The following CNST variants were observed in gnomAD, a reference collection of about 807,000 sequenced individuals.
The protein encoded by CNST is consortin.
CNST carries 39 observed loss-of-function variants against 72.4 expected under a neutral mutation model. That is an observed-to-expected ratio of 0.54 (90% CI 0.42 to 0.70). CNST has a LOEUF of 0.70. Among genes scored for constraint, CNST ranks in the 30% least tolerant of loss-of-function variants. The probability of loss-of-function intolerance (pLI) is 0.00; values close to 1 mark genes in which losing one functional copy is unlikely to be tolerated. For missense variants in CNST, 871 were observed against 868.5 expected (o/e 1.00, Z -0.04); for synonymous variants, 332 against 320.1 (o/e 1.04, Z -0.40).
chr1:246,647,178 G>GC lies in CNST; in HGVS notation c.979dup (p.Gln327ProfsTer42). The stretch of plus-strand genomic sequence containing the variant: ...CTCGGCACAGAGTCAAGTAAAGAAA[G>GC]CCAACATACAGTGGAGCCCCTGGGG... On this transcript the variant is annotated frameshift_variant, in exon 9 of 11. Coordinates refer to ENST00000366513, the MANE Select transcript of CNST (RefSeq NM_152609.3). LOFTEE classifies it high-confidence loss of function. The GC allele has an allele frequency of 6.2e-7, 1 of 1,613,990 alleles. No homozygotes were observed. Among genetic ancestry groups the GC allele is most frequent in the Non-Finnish European group, 8.5e-7 (1 of 1,179,988 alleles).
chr1:246,632,300 G>A, intron 4 of CNST: 1 of 296,668 alleles, frequency 3.4e-6, no homozygotes, highest in South Asian at 4.3e-5. Context: ...TTTGAGCTTG[G>A]CAACGTGCGC....
chr1:246,634,371 C>A, intron 5 of CNST, 102 bp from the exon 6 acceptor site: 1 of 643,372 alleles, frequency 1.6e-6, no homozygotes, highest in Non-Finnish European at 2.7e-6. Context: ...GATAATTTTG[C>A]ATGCAAATCT....
intron 9 of CNST, among the ~76,000 whole-genome samples, chr1:246,649,340 C>A (rs528248671): frequency 7.9e-5 from 12 of 152,164 alleles, no homozygotes; most frequent in African/African-American, 2.9e-4. Flanking sequence ...ATGGCAGTTT[C>A]ATGTGATATA....
intron 6 of CNST, among the ~76,000 whole-genome samples, chr1:246,641,489 T>C (rs1022798097): frequency 2.0e-5 from 3 of 152,218 alleles, no homozygotes; most frequent in Admixed American, 6.5e-5. Context: ...CTTCTTTTTT[T>C]CTTCTTCTGG....
chr1:246,612,173 G>A (rs1663362963), intron 2 of CNST, among the ~76,000 whole-genome samples: 1 of 152,200 alleles, frequency 6.6e-6, no homozygotes, highest in African/African-American at 2.4e-5. Flanking sequence ...GAAATGGATA[G>A]TGGTGATGAT....
chr1:246,582,822 C>T (rs1192368411), intron 1 of CNST, among the ~76,000 whole-genome samples: 1 of 152,190 alleles, frequency 6.6e-6, no homozygotes, highest in African/African-American at 2.4e-5. Flanking sequence ...GGGAACACAC[C>T]ATCTCAGAGC....
intron 1 of CNST, among the ~76,000 whole-genome samples, chr1:246,571,490 A>G (rs1363358699): frequency 2.6e-5 from 4 of 152,110 alleles, no homozygotes; most frequent in African/African-American, 9.7e-5. Flanking sequence ...GCTCTTTAAC[A>G]TTTTGGAGAT....
At chr1:246,606,256 A>G (rs1302092382) in intron 2 of CNST, 2 of 152,116 alleles carry the variant, frequency 1.3e-5, no homozygotes, top group Admixed American at 6.5e-5. Context: ...GAGGACCCCA[A>G]TGATGAAGAT....
At chr1:246,641,718 A>T (rs535286773) in intron 6 of CNST, 31 bp from the exon 7 acceptor site, 146 of 1,237,124 alleles carry the variant, frequency 1.2e-4, no homozygotes, top group African/African-American at 3.2e-4. Context: ...TAATTTTTTT[A>T]AAATTCTTTT....
chr1:246,568,362 G>A (rs756579412), intron 1 of CNST, among the ~76,000 whole-genome samples: 5 of 152,094 alleles, frequency 3.3e-5, no homozygotes, highest in African/African-American at 7.2e-5. Context: ...TTTTTACAGT[G>A]TTGATGGTTC....
rs150869174 is a variant in CNST at position 246,640,999 on chromosome 1, A to G, written c.819-750A>G. On this transcript the variant is annotated intron_variant, in intron 6 of 10. Transcript: ENST00000366513. Reference sequence around the variant, plus strand: ...TGCCAACTTCGTACCCACCCACAATAGTAACCACTATCTGGACTCTATAAC... The same window carrying G: ...TGCCAACTTCGTACCCACCCACAATGGTAACCACTATCTGGACTCTATAAC... Among the ~76,000 whole-genome samples the G allele has an allele frequency of 4.9e-3, 751 of 152,264 alleles. 10 individuals carry two copies. Among genetic ancestry groups the G allele is most frequent in the African/African-American group, 0.017 (703 of 41,558 alleles).
chr1:246,618,965 T>C (rs1312224581), intron 2 of CNST, among the ~76,000 whole-genome samples: 1 of 152,206 alleles, frequency 6.6e-6, no homozygotes, highest in Non-Finnish European at 1.5e-5. Flanking sequence ...AAGGGTTTTA[T>C]TTAGCTCCCT....
intron 8 of CNST, 51 bp from the exon 9 acceptor site, chr1:246,647,088 A>G: frequency 6.6e-7 from 1 of 1,511,794 alleles, no homozygotes; most frequent in South Asian, 1.2e-5. Context: ...TTTCCTTCCT[A>G]TACAAAGTGT....
intron 2 of CNST, among the ~76,000 whole-genome samples, chr1:246,611,642 A>G (rs1558556863): frequency 6.6e-6 from 1 of 152,212 alleles, no homozygotes; most frequent in Non-Finnish European, 1.5e-5. Flanking sequence ...GTCTCAAGAC[A>G]CTGGTTGAGA....
At chr1:246,662,856 G>A (rs1176707768) in intron 10 of CNST, among the ~76,000 whole-genome samples, 1 of 152,094 alleles carries the variant, frequency 6.6e-6, no homozygotes, top group Non-Finnish European at 1.5e-5. Flanking sequence ...CATGTCAAGT[G>A]CCCAACAGCC....
At chr1:246,652,214 A>G (rs370009828) in intron 9 of CNST, among the ~76,000 whole-genome samples, 11 of 152,198 alleles carry the variant, frequency 7.2e-5, no homozygotes, top group East Asian at 5.8e-4. Flanking sequence ...GAAGAGTTGC[A>G]TTATCTTCTC....
Position 246,644,766 on chromosome 1 carries a change from T to C in CNST, c.938-2373T>C, listed in dbSNP as rs536468984. On this transcript the variant is annotated intron_variant, in intron 8 of 10. Coordinates refer to ENST00000366513, the MANE Select transcript of CNST (RefSeq NM_152609.3). ...TGTGGGACTGTGGTCCCCAATCTTA[T>C]TTAGTCTCTGAGTCCTGTGGACATG... 2.4e-3 allele frequency among the ~76,000 whole-genome samples: 365 copies of C among 152,338 alleles called. 1 individual carries two copies. The highest frequency in any genetic ancestry group is 8.2e-3 in the African/African-American group (339 of 41,574).
intron 3 of CNST, among the ~76,000 whole-genome samples, chr1:246,630,505 A>G (rs1664710033): frequency 1.3e-5 from 2 of 152,230 alleles, no homozygotes; most frequent in African/African-American, 4.8e-5. Context: ...TACATGGCTC[A>G]TGGAAAAAAT....
chr1:246,614,512 ATTT>A (rs147741779), intron 2 of CNST, among the ~76,000 whole-genome samples: 109 of 141,428 alleles, frequency 7.7e-4, no homozygotes, highest in African/African-American at 6.7e-4. Context: ...ACTGCAATAA[ATTT>A]TTTTTTTTTT....
Sources: allele counts gnomAD v4.1 joint callset (sites outside exome capture counted in the v4.1 genomes callset), GRCh38; gene constraint gnomAD v4.1.1; transcripts MANE v1.5; gene names NCBI Gene and HGNC (gene_info 2026-07-23, HGNC 2026-07-21).